The following PPP2R2A variants were observed in gnomAD, a reference collection of about 807,000 sequenced individuals.
PPP2R2A encodes protein phosphatase 2 regulatory subunit Balpha, also known as serine/threonine-protein phosphatase 2A 55 kDa regulatory subunit B alpha isoform.
Under a neutral mutation model 53.2 loss-of-function variants are expected in PPP2R2A, and 9 were observed. The observed-to-expected ratio is 0.17, with a 90% CI of 0.10 to 0.30. PPP2R2A has a LOEUF of 0.30. PPP2R2A is among the 10% of genes least tolerant of loss of function. The probability of loss-of-function intolerance (pLI) is 1.00; values close to 1 mark genes in which losing one functional copy is unlikely to be tolerated. For synonymous variants in PPP2R2A, 169 were observed against 174.2 expected (o/e 0.97, Z 0.23); for missense variants, 235 against 534.6 (o/e 0.44, Z 5.53).
chr8:26,302,467 T>G (rs1292993164), intron 2 of PPP2R2A, among the ~76,000 whole-genome samples: 1 of 152,234 alleles, frequency 6.6e-6, no homozygotes, highest in Admixed American at 6.5e-5. Context: ...CCGATGCATG[T>G]GATGTTAAAC....
At chr8:26,305,893 C>G (rs552716660) in intron 2 of PPP2R2A, among the ~76,000 whole-genome samples, 1 of 152,244 alleles carries the variant, frequency 6.6e-6, no homozygotes, top group East Asian at 1.9e-4. Context: ...TATTGCAGGT[C>G]TAAGACCATA....
rs980064750 is a variant in PPP2R2A, at chr8:26,349,147, C to T, written c.181-5321C>T. The stretch of plus-strand genomic sequence containing the variant: ...ACCAGTAGTATGTGACTTTGCCTTT[C>T]TGTCACTAAAACAATGGTCATTATC... On this transcript the variant is annotated intron_variant, in intron 3 of 9. Coordinates refer to ENST00000380737, the MANE Select transcript of PPP2R2A (RefSeq NM_002717.4). 6.6e-5 allele frequency among the ~76,000 whole-genome samples: 10 copies of T among 152,132 alleles called. 1 individual carries two copies. Among genetic ancestry groups the T allele is most frequent in the Admixed American group, 2.6e-4 (4 of 15,268 alleles).
chr8:26,353,488 A>G (rs1276104728), intron 3 of PPP2R2A, among the ~76,000 whole-genome samples: 3 of 152,176 alleles, frequency 2.0e-5, no homozygotes, highest in African/African-American at 7.2e-5. Context: ...TCACTGGGTA[A>G]CTCACTTTTA....
chr8:26,337,382 G>T (rs937373420), intron 2 of PPP2R2A, among the ~76,000 whole-genome samples: 4 of 152,104 alleles, frequency 2.6e-5, no homozygotes, highest in Non-Finnish European at 4.4e-5. Context: ...CTGTATGTTT[G>T]TATTATTATT....
chr8:26,328,693 G>A (rs77927449), intron 2 of PPP2R2A, among the ~76,000 whole-genome samples: 9,634 of 152,202 alleles, frequency 0.063, 465 homozygotes, highest in East Asian at 0.25. Flanking sequence ...TTAGAGATTT[G>A]TTATTTTTTT....
chr8:26,355,796 G>A (rs905170264), intron 4 of PPP2R2A, among the ~76,000 whole-genome samples: 24 of 151,900 alleles, frequency 1.6e-4, no homozygotes, highest in African/African-American at 5.1e-4. Context: ...GGTGAACCTG[G>A]GAGGCAGAGC....
chr8:26,325,838 T>A (rs1803061597), intron 2 of PPP2R2A, among the ~76,000 whole-genome samples: 1 of 152,170 alleles, frequency 6.6e-6, no homozygotes, highest in Admixed American at 6.5e-5. Flanking sequence ...TTTATTTATT[T>A]TTTATTATTT....
intron 2 of PPP2R2A, among the ~76,000 whole-genome samples, chr8:26,332,980 T>C (rs994512080): frequency 1.3e-5 from 2 of 152,250 alleles, no homozygotes; most frequent in Non-Finnish European, 2.9e-5. Context: ...TTAATCACTC[T>C]AATTTGTTTT....
At chr8:26,307,652 T>G (rs566179995) in intron 2 of PPP2R2A, among the ~76,000 whole-genome samples, 2 of 152,372 alleles carry the variant, frequency 1.3e-5, no homozygotes, top group South Asian at 4.1e-4. Flanking sequence ...CTTTAAGAAT[T>G]TTTGTTTGTT....
chr8:26,345,271 T>C (rs896463503), intron 3 of PPP2R2A, among the ~76,000 whole-genome samples: 8 of 152,326 alleles, frequency 5.3e-5, no homozygotes, highest in African/African-American at 1.9e-4. Flanking sequence ...ACTTGGAATT[T>C]ATTTACCTTT....
At chr8:26,330,982 C>T (rs1377477324) in intron 2 of PPP2R2A, among the ~76,000 whole-genome samples, 1 of 152,152 alleles carries the variant, frequency 6.6e-6, no homozygotes, top group African/African-American at 2.4e-5. Context: ...GAGAACTCTA[C>T]CTGCTGGTGG....
Position 26,362,860 on chromosome 8 carries a change from G to A in PPP2R2A, c.802+12G>A, listed in dbSNP as rs778097404. ...TAGACATTCTAAATGTAAGTTTATT[G>A]TATCTTTCCTTAAAATGATTACATA... On this transcript the variant is annotated intron_variant, in intron 7 of 9. Coordinates refer to ENST00000380737, the MANE Select transcript of PPP2R2A (RefSeq NM_002717.4). This position sits in a 1 kb window ranked among gnomAD's most constrained non-coding sequence, Gnocchi z 4.4. The A allele has an allele frequency of 1.9e-6, 3 of 1,607,254 alleles. No homozygotes were observed. Among genetic ancestry groups the A allele is most frequent in the Non-Finnish European group, 2.6e-6 (3 of 1,175,224 alleles).
chr8:26,340,311 C>G (rs1043812837), intron 3 of PPP2R2A, among the ~76,000 whole-genome samples: 20 of 151,776 alleles, frequency 1.3e-4, no homozygotes, highest in Non-Finnish European at 2.8e-4. Context: ...ACAAGCAGAA[C>G]CTGAACTTTT....
intron 3 of PPP2R2A, among the ~76,000 whole-genome samples, chr8:26,348,379 G>A (rs1163579664): frequency 1.3e-5 from 2 of 152,172 alleles, no homozygotes; most frequent in East Asian, 1.9e-4. Context: ...ATTGAATGCT[G>A]ATGTGATACC....
At chr8:26,330,050 T>C (rs185244843) in intron 2 of PPP2R2A, among the ~76,000 whole-genome samples, 1 of 152,314 alleles carries the variant, frequency 6.6e-6, no homozygotes, top group East Asian at 1.9e-4. Context: ...TTCCCAGGAC[T>C]GCAGTGATAC....
At chr8:26,315,247 C>T (rs966306088) in intron 2 of PPP2R2A, among the ~76,000 whole-genome samples, 1 of 151,958 alleles carries the variant, frequency 6.6e-6, no homozygotes. Flanking sequence ...AGCTTTGTGT[C>T]CACTGGCAGA....
intron 3 of PPP2R2A, chr8:26,339,974 G>T (rs1020383610): frequency 1.3e-5 from 2 of 152,044 alleles, no homozygotes; most frequent in African/African-American, 4.8e-5. Context: ...CCCCAGTGAG[G>T]TAGGTAATTT....
intron 3 of PPP2R2A, among the ~76,000 whole-genome samples, chr8:26,342,821 G>GA (rs1804009363): frequency 6.6e-6 from 1 of 152,112 alleles, no homozygotes; most frequent in African/African-American, 2.4e-5. Context: ...TTTCACAAAA[G>GA]GTGGATAGTA....
At chr8:26,310,702 GC>G (rs1802252921) in intron 2 of PPP2R2A, among the ~76,000 whole-genome samples, 1 of 143,632 alleles carries the variant, frequency 7.0e-6, no homozygotes, top group African/African-American at 2.6e-5. Flanking sequence ...GGTATTTATT[GC>G]CAAATCACCA....
Sources: gnomAD v4.1 joint callset for allele counts (sites outside exome capture counted in the v4.1 genomes callset) on GRCh38, gnomAD v4.1.1 for gene constraint, Gnocchi (gnomAD v3.1) non-coding constraint, MANE v1.5 for transcripts, NCBI Gene and HGNC (gene_info 2026-07-23, HGNC 2026-07-21) for gene names.